The following CIMIP5 variants were observed in gnomAD, a reference collection of about 807,000 sequenced individuals.
CIMIP5 encodes uncharacterized protein C2orf50.
the CIMIP5 span, among the ~76,000 whole-genome samples, chr2:11,149,712 AAATT>A: frequency 9.4e-4 from 141 of 150,790 alleles, 1 homozygote; most frequent in African/African-American, 2.6e-3. Context: ...ATCTCAAAAA[AAATT>A]AATTAATTAA....
the CIMIP5 span, among the ~76,000 whole-genome samples, chr2:11,150,806 A>G: frequency 1.2e-4 from 18 of 151,742 alleles, no homozygotes; most frequent in African/African-American, 3.1e-4. Flanking sequence ...CTCCCTCACA[A>G]TTTGCCCACA....
At chr2:11,138,638 C>T in the CIMIP5 span, among the ~76,000 whole-genome samples, 46 of 152,242 alleles carry the variant, frequency 3.0e-4, no homozygotes, top group East Asian at 2.3e-3. Context: ...TTGGATCATG[C>T]GGGTGGCTTC....
the CIMIP5 span, among the ~76,000 whole-genome samples, chr2:11,153,810 G>C: frequency 6.6e-6 from 1 of 151,734 alleles, no homozygotes; most frequent in Admixed American, 6.6e-5. Flanking sequence ...TGTAATTCCA[G>C]CTACTTGGGA....
chr2:11,133,285 C>G, the CIMIP5 span: 9 of 1,154,598 alleles, frequency 7.8e-6, no homozygotes, highest in Non-Finnish European at 1.0e-5. Flanking sequence ...GCACAGGTCT[C>G]TCTCTCTCTC....
the CIMIP5 span, among the ~76,000 whole-genome samples, chr2:11,137,171 G>A: frequency 3.5e-3 from 538 of 152,232 alleles, 2 homozygotes; most frequent in African/African-American, 0.012. Context: ...TCAGGAGTTC[G>A]AGACTAGCCT....
chr2:11,151,964 C>CGGGGGTTTCCCTATGTTGCT, the CIMIP5 span, among the ~76,000 whole-genome samples: 1 of 152,192 alleles, frequency 6.6e-6, no homozygotes, highest in Non-Finnish European at 1.5e-5. Context: ...GATAATTTGG[C>CGGGGGTTTCCCTATGTTGCT]CAGTAGGGGC....
At chr2:11,142,355 C>T in the CIMIP5 span, among the ~76,000 whole-genome samples, 1 of 151,554 alleles carries the variant, frequency 6.6e-6, no homozygotes, top group Non-Finnish European at 1.5e-5. Context: ...GCCATGCTTA[C>T]CTGGACCCTG....
At chr2:11,149,444 G>A in the CIMIP5 span, among the ~76,000 whole-genome samples, 3 of 152,178 alleles carry the variant, frequency 2.0e-5, no homozygotes, top group African/African-American at 7.2e-5. Context: ...TGTGACTCAC[G>A]CCCATAATGC....
At chr2:11,151,968 T>C in the CIMIP5 span, among the ~76,000 whole-genome samples, 14 of 152,180 alleles carry the variant, frequency 9.2e-5, no homozygotes, top group African/African-American at 3.1e-4. Context: ...ATTTGGCCAG[T>C]AGGGGCTTGG....
At chr2:11,139,609 G>C in the CIMIP5 span, among the ~76,000 whole-genome samples, 1 of 152,170 alleles carries the variant, frequency 6.6e-6, no homozygotes, top group Admixed American at 6.6e-5. Flanking sequence ...CTTGCCTACT[G>C]TAGCCTTCTG....
chr2:11,139,318 C>T, the CIMIP5 span, among the ~76,000 whole-genome samples: 1 of 152,154 alleles, frequency 6.6e-6, no homozygotes, highest in Non-Finnish European at 1.5e-5. Flanking sequence ...AATATGGATG[C>T]AAAGGCCTGA....
chr2:11,137,176 T>G, the CIMIP5 span, among the ~76,000 whole-genome samples: 8 of 152,018 alleles, frequency 5.3e-5, no homozygotes, highest in African/African-American at 1.9e-4. Flanking sequence ...AGTTCGAGAC[T>G]AGCCTGGCCA....
chr2:11,143,817 A>T, the CIMIP5 span: 1 of 984,482 alleles, frequency 1.0e-6, no homozygotes. Flanking sequence ...TCACCTGGAG[A>T]TGCTTCACAA....
At chr2:11,139,578 A>C in the CIMIP5 span, among the ~76,000 whole-genome samples, 1 of 152,172 alleles carries the variant, frequency 6.6e-6, no homozygotes, top group Admixed American at 6.5e-5. Flanking sequence ...GGGATGTGAA[A>C]ACTTTTTTCT....
the CIMIP5 span, chr2:11,133,232 G>A: frequency 7.2e-7 from 1 of 1,384,416 alleles, no homozygotes; most frequent in Admixed American, 2.8e-5. Context: ...CCCGGGGTTA[G>A]GAGGGACAGA....
chr2:11,152,778 A>T, the CIMIP5 span, among the ~76,000 whole-genome samples: 1 of 152,046 alleles, frequency 6.6e-6, no homozygotes, highest in African/African-American at 2.4e-5. Flanking sequence ...GCCATCCTCC[A>T]AGCAGAAGAG....
the CIMIP5 span, among the ~76,000 whole-genome samples, chr2:11,152,150 A>C: frequency 1.3e-5 from 2 of 152,224 alleles, no homozygotes; most frequent in Non-Finnish European, 2.9e-5. Context: ...AAAATACCTC[A>C]AGCACTGATC....
the CIMIP5 span, among the ~76,000 whole-genome samples, chr2:11,138,250 T>C: frequency 6.6e-6 from 1 of 152,240 alleles, no homozygotes; most frequent in Non-Finnish European, 1.5e-5. Context: ...CAATGATCAG[T>C]ACATAGAAGC....
At chr2:11,153,428 G>A in the CIMIP5 span, among the ~76,000 whole-genome samples, 10 of 152,218 alleles carry the variant, frequency 6.6e-5, no homozygotes, top group African/African-American at 2.4e-4. Context: ...TAGTCCTGGG[G>A]GCCCAGATCC....
Sources: gnomAD v4.1 joint callset for allele counts (sites outside exome capture counted in the v4.1 genomes callset) on GRCh38, gnomAD v4.1.1 for gene constraint, MANE v1.5 for transcripts, NCBI Gene and HGNC (gene_info 2026-07-23, HGNC 2026-07-21) for gene names.